CCDC152: variants seen among roughly 807,000 people sequenced by gnomAD.
CCDC152 encodes the protein coiled-coil domain-containing protein 152.
Under a neutral mutation model 38.1 loss-of-function variants are expected in CCDC152, and 37 were observed. That is an observed-to-expected ratio of 0.97 (90% confidence interval 0.75 to 1.28). The LOEUF (loss-of-function observed/expected upper bound fraction) is 1.28. Among genes scored for constraint, CCDC152 ranks in the 50% most tolerant of loss-of-function variants. The pLI, the probability that CCDC152 is intolerant of heterozygous loss-of-function variation, is 0.00. For missense variants in CCDC152, 259 were observed against 292.1 expected, an observed-to-expected ratio of 0.89 and a Z score of 0.83; for synonymous variants, 83 against 87.1, an observed-to-expected ratio of 0.95 and a Z score of 0.26.
intron 4 of CCDC152, among the ~76,000 whole-genome samples, chr5:42,771,331 C>A (rs1038719257): frequency 3.3e-5 from 5 of 151,624 alleles, no homozygotes; most frequent in African/African-American, 4.8e-5. Context: ...ATATATATAT[C>A]CAATAAGTAA....
chr5:42,776,594 T>C (rs1481279252), intron 4 of CCDC152, among the ~76,000 whole-genome samples: 1 of 152,142 alleles, frequency 6.6e-6, no homozygotes, highest in East Asian at 1.9e-4. Flanking sequence ...GACTATTTCA[T>C]CCAACAACAG....
intron 3 of CCDC152, among the ~76,000 whole-genome samples, chr5:42,767,691 A>G (rs893124689): frequency 6.6e-6 from 1 of 152,232 alleles, no homozygotes; most frequent in Non-Finnish European, 1.5e-5. Flanking sequence ...ATGTGGTGAG[A>G]GAGCCACCTT....
intron 4 of CCDC152, among the ~76,000 whole-genome samples, chr5:42,770,653 G>C (rs1759685004): frequency 6.6e-6 from 1 of 152,042 alleles, no homozygotes. Context: ...TTTTAAGATT[G>C]TTTTGTCTAC....
Position 42,801,426 on chromosome 5 carries a change from C to T in CCDC152, c.*1645C>T, listed in dbSNP as rs1760199946. 2.1e-6 allele frequency: 2 copies of T among 941,210 alleles called. No homozygotes were observed. The highest frequency in any genetic ancestry group is 3.3e-5 in the African/African-American group (2 of 60,672). The allele number at this position is 941,210 out of a possible 1,614,324, so 58.3% of individuals were successfully genotyped here. ...GTAGAGCTAACATGTGAAATTCCAA[C>T]TAGTTAATTAGAATCGAGCTGGCTT... On this transcript the variant is annotated 3_prime_UTR_variant, in exon 9 of 9. Coordinates refer to ENST00000361970, the MANE Select transcript of CCDC152 (RefSeq NM_001134848.2).
At position 42,802,070 on chromosome 5, in the gene CCDC152, A is replaced by G. The variant is rs1030550037; in HGVS notation, c.*2289A>G. 4 of 152,218 alleles carry G rather than the reference A, an allele frequency of 2.6e-5. No individual in the cohort carries two copies. Among genetic ancestry groups the G allele is most frequent in the African/African-American group, 9.7e-5 (4 of 41,450 alleles). 9.4% of individuals were successfully genotyped at this position (152,218 alleles called of 1,614,324 possible). On this transcript the variant is annotated 3_prime_UTR_variant, in exon 9 of 9. Coordinates refer to ENST00000361970, the MANE Select transcript of CCDC152 (RefSeq NM_001134848.2). Reference sequence around the variant, plus strand: ...CTAATAAACTCTGCTCAAATGTGTTAGTTTTTCATACTTCATCCTATGCCA... The same window carrying G: ...CTAATAAACTCTGCTCAAATGTGTTGGTTTTTCATACTTCATCCTATGCCA...
At chr5:42,759,622 C>T (rs1277986426) in intron 2 of CCDC152, among the ~76,000 whole-genome samples, 4 of 152,158 alleles carry the variant, frequency 2.6e-5, no homozygotes, top group African/African-American at 9.7e-5. Context: ...ACGGTGAAAT[C>T]TTCCATTGTC....
chr5:42,796,299 G>C (rs1400339650), intron 6 of CCDC152, among the ~76,000 whole-genome samples: 1 of 150,024 alleles, frequency 6.7e-6, no homozygotes, highest in African/African-American at 2.4e-5. Context: ...TGTGGGGCTT[G>C]TAGATTGTCT....
At chr5:42,766,769 TG>T (rs1759629769) in intron 3 of CCDC152, among the ~76,000 whole-genome samples, 1 of 150,362 alleles carries the variant, frequency 6.7e-6, no homozygotes, top group South Asian at 2.1e-4. Context: ...GGAAGGGTAG[TG>T]GGGGGCTGGA....
chr5:42,787,202 T>A (rs1759933026), intron 6 of CCDC152, among the ~76,000 whole-genome samples: 1 of 152,000 alleles, frequency 6.6e-6, no homozygotes, highest in Non-Finnish European at 1.5e-5. Context: ...AGTTTCTTTA[T>A]TATTTTTCAG....
rs745374620 is a variant in CCDC152, at chr5:42,801,107, A to G, written c.*1326A>G. On this transcript the variant is annotated 3_prime_UTR_variant, in exon 9 of 9. Coordinates refer to ENST00000361970, the MANE Select transcript of CCDC152 (RefSeq NM_001134848.2). The stretch of plus-strand genomic sequence containing the variant: ...CTCGGTTCTCTGGGTGACCCTGCCT[A>G]TGCTGACCCTTGTGCTTATGGTGGT... The G allele has an allele frequency of 1.2e-6, 2 of 1,614,140 alleles. No homozygotes were observed. The highest frequency in any genetic ancestry group is 1.6e-4 in the Middle Eastern group (1 of 6,062).
chr5:42,763,411 G>A (rs1399121906), intron 3 of CCDC152, among the ~76,000 whole-genome samples: 2 of 152,176 alleles, frequency 1.3e-5, no homozygotes, highest in Admixed American at 1.3e-4. Flanking sequence ...CCTCGAGGAG[G>A]AAGAGCATGG....
Position 42,799,467 on chromosome 5 carries a change from G to C in CCDC152, c.642+9G>C. On this transcript the variant is annotated intron_variant, in intron 8 of 8. Coordinates refer to ENST00000361970, the MANE Select transcript of CCDC152 (RefSeq NM_001134848.2). Reference sequence around the variant, plus strand: ...AAAGTATCTACAGAAGGGTATGTGAGTTTTCCTCTCAGTATTTGTTGCTTA... The same window carrying C: ...AAAGTATCTACAGAAGGGTATGTGACTTTTCCTCTCAGTATTTGTTGCTTA... The C allele has an allele frequency of 6.7e-7, 1 of 1,487,280 alleles. No homozygotes were observed. The highest frequency in any genetic ancestry group is 2.5e-5 in the East Asian group (1 of 40,484). The allele number at this position is 1,487,280 out of a possible 1,614,324, so 92.1% of individuals were successfully genotyped here.
At position 42,761,924 on chromosome 5, in the gene CCDC152, G is replaced by T. The variant is rs193165579; in HGVS notation, c.88-519G>T. ...ATTTGAAAATAAATTGGGAAGTGGG[G>T]TTATTTAAAATACAGTCATATATTG... On this transcript the variant is annotated intron_variant, in intron 2 of 8. Transcript: ENST00000361970. Among the ~76,000 whole-genome samples the T allele has an allele frequency of 2.6e-5, 4 of 152,252 alleles. No individual in the cohort carries two copies. The East Asian group carries it at 5.8e-4, about 22-fold the overall frequency.
At chr5:42,785,471 C>A (rs1759905990) in intron 6 of CCDC152, among the ~76,000 whole-genome samples, 1 of 151,810 alleles carries the variant, frequency 6.6e-6, no homozygotes. Flanking sequence ...TTACTGAAGT[C>A]ATTTGTCAGG....
intron 4 of CCDC152, among the ~76,000 whole-genome samples, chr5:42,778,853 A>G (rs977835385): frequency 6.6e-6 from 1 of 152,266 alleles, no homozygotes; most frequent in Non-Finnish European, 1.5e-5. Context: ...GCACTATTCA[A>G]AATTCTTTGA....
intron 6 of CCDC152, among the ~76,000 whole-genome samples, chr5:42,791,107 A>G (rs1036145853): frequency 9.2e-5 from 14 of 152,232 alleles, no homozygotes; most frequent in African/African-American, 2.7e-4. Flanking sequence ...TAATTGGTTC[A>G]GGTCTGGAGA....
chr5:42,799,606 T>C, intron 8 of CCDC152, 53 bp from the exon 9 acceptor site: 1 of 1,349,170 alleles, frequency 7.4e-7, no homozygotes, highest in Non-Finnish European at 1.0e-6. Flanking sequence ...TTGTTGTTCC[T>C]TGTACTAAAT....
chr5:42,762,044 G>T (rs1759559937), intron 2 of CCDC152, among the ~76,000 whole-genome samples: 2 of 152,154 alleles, frequency 1.3e-5, no homozygotes, highest in South Asian at 4.1e-4. Context: ...CCTAAATGGT[G>T]TAGCCTATTA....
chr5:42,771,141 A>G (rs975907007), intron 4 of CCDC152, among the ~76,000 whole-genome samples: 5 of 152,172 alleles, frequency 3.3e-5, no homozygotes, highest in African/African-American at 1.2e-4. Flanking sequence ...TGTTGAAAAG[A>G]AGAGGCAAAA....
Sources: allele counts gnomAD v4.1 joint callset (sites outside exome capture counted in the v4.1 genomes callset), GRCh38; gene constraint gnomAD v4.1.1; transcripts MANE v1.5; gene names NCBI Gene and HGNC (gene_info 2026-07-23, HGNC 2026-07-21).